Variants in IQSEC1 observed in about 807,000 individuals in gnomAD.
IQSEC1 encodes IQ motif and SEC7 domain-containing protein 1.
In IQSEC1, 31 loss-of-function variants were observed where a neutral mutation model predicts 91.0. The ratio of observed to expected loss-of-function variants is 0.34; its 90% CI spans 0.26 to 0.46. The LOEUF (loss-of-function observed/expected upper bound fraction) is 0.46, where lower values mean the gene tolerates loss of function less well. Ranked by LOEUF, IQSEC1 falls within the 20% of genes least tolerant of loss-of-function variation. The pLI, the probability that IQSEC1 is intolerant of heterozygous loss-of-function variation, is 1.00. For missense variants in IQSEC1, 1,388 were observed against 1,575.6 expected (o/e 0.88, Z 2.02); for synonymous variants, 699 against 662.6 (o/e 1.05, Z -0.84).
chr3:13,167,181 G>C (rs1337613459), intron 1 of IQSEC1, among the ~76,000 whole-genome samples: 1 of 152,214 alleles, frequency 6.6e-6, no homozygotes, highest in Non-Finnish European at 1.5e-5. Context: ...TGCAGATGAA[G>C]CTGAGATCTA....
At position 13,193,339 on chromosome 3, in the gene IQSEC1, T is replaced by A. The variant is rs191124031; in HGVS notation, c.273-29206A>T. On this transcript the variant is annotated intron_variant, in intron 1 of 15. Transcript: ENST00000648114. This position sits in a 1 kb window ranked among gnomAD's most constrained non-coding sequence, Gnocchi z 4.2. ...GTGGCAATGTCTTTTACATTCTGAA[T>A]ACATATTTGGGGGTGGGAGGTCTGA... Among the ~76,000 whole-genome samples the A allele has an allele frequency of 7.9e-4, 121 of 152,286 alleles. No homozygotes were observed. Among genetic ancestry groups the A allele is most frequent in the African/African-American group, 2.7e-3 (114 of 41,550 alleles).
intron 1 of IQSEC1, among the ~76,000 whole-genome samples, chr3:12,982,133 A>G (rs974773311): frequency 6.6e-6 from 1 of 152,180 alleles, no homozygotes; most frequent in Non-Finnish European, 1.5e-5. Flanking sequence ...TAGCAGGTTA[A>G]GCACTGTTCT....
rs145574004 is a variant in IQSEC1 at position 13,067,670 on chromosome 3, T to C, written c.23+5322A>G. Among the ~76,000 whole-genome samples, 11 of 152,330 alleles carry C rather than the reference T, an allele frequency of 7.2e-5. 1 individual carries two copies. The highest frequency in any genetic ancestry group is 2.6e-4 in the African/African-American group (11 of 41,568). On this transcript the variant is annotated intron_variant, in intron 1 of 13. Transcript: ENST00000613206. ...CCATCTCTGTGCACTGGGTGCCCAC[T>C]GGCCCCACCCACAAGGGCACACAGA...
chr3:13,034,064 C>G (rs1703942691), intron 1 of IQSEC1, among the ~76,000 whole-genome samples: 1 of 152,198 alleles, frequency 6.6e-6, no homozygotes. Context: ...TCTTTAAAGA[C>G]CTTATTTCCA....
chr3:13,270,574 T>C (rs1207518593), intron 1 of IQSEC1, among the ~76,000 whole-genome samples: 6 of 152,168 alleles, frequency 3.9e-5, no homozygotes, highest in Non-Finnish European at 7.3e-5. Flanking sequence ...CTTTATTCTC[T>C]CTGGGTGAGG....
At chr3:13,247,296 C>T (rs968233739) in intron 1 of IQSEC1, among the ~76,000 whole-genome samples, 12 of 152,208 alleles carry the variant, frequency 7.9e-5, no homozygotes, top group African/African-American at 2.7e-4. Context: ...GATTTCTCTG[C>T]TGCCATTCTG....
chr3:13,064,772 C>T (rs1435528251), intron 1 of IQSEC1, among the ~76,000 whole-genome samples: 1 of 152,218 alleles, frequency 6.6e-6, no homozygotes, highest in Admixed American at 6.5e-5. Flanking sequence ...GATAGTTGCT[C>T]GCAGATTTTC....
At chr3:13,122,958 G>A (rs935929186) in intron 2 of IQSEC1, among the ~76,000 whole-genome samples, 4 of 152,176 alleles carry the variant, frequency 2.6e-5, no homozygotes, top group African/African-American at 9.7e-5. Flanking sequence ...CTGCCCCCAG[G>A]AGTGTCTTTC....
intron 1 of IQSEC1, among the ~76,000 whole-genome samples, chr3:12,998,282 C>G (rs967480126): frequency 1.3e-5 from 2 of 152,244 alleles, no homozygotes; most frequent in African/African-American, 4.8e-5. Context: ...CCAGGGGAGA[C>G]TGAGGCTGCA....
intron 2 of IQSEC1, among the ~76,000 whole-genome samples, chr3:13,088,886 G>T (rs1197707846): frequency 2.6e-5 from 4 of 152,212 alleles, no homozygotes; most frequent in Non-Finnish European, 5.9e-5. Flanking sequence ...AACACCTCCT[G>T]CTAGGCTAAG....
chr3:13,263,833 G>A (rs899734928), intron 1 of IQSEC1, among the ~76,000 whole-genome samples: 9 of 152,018 alleles, frequency 5.9e-5, no homozygotes, highest in Admixed American at 1.3e-4. Context: ...ATCCTGGAGC[G>A]CCGGGCTGGG....
rs146690761 is a variant in IQSEC1 at position 13,168,361 on chromosome 3, C to T, written c.273-4228G>A. Among the ~76,000 whole-genome samples, 11 of 152,320 alleles carry T rather than the reference C, an allele frequency of 7.2e-5. No individual in the cohort carries two copies. The East Asian group carries it at 1.7e-3, about 24-fold the overall frequency. On this transcript the variant is annotated intron_variant, in intron 1 of 15. Transcript: ENST00000648114. ...ACATTTTTGCATGTATGCTTATGGG[C>T]TTTGTTTCCTGTCCATTTTTTTATA...
chr3:13,241,800 C>A (rs1695025720), intron 1 of IQSEC1, among the ~76,000 whole-genome samples: 1 of 152,216 alleles, frequency 6.6e-6, no homozygotes, highest in African/African-American at 2.4e-5. Context: ...GCCCCTGGAC[C>A]CCTCTCTCTC....
chr3:13,062,512 TG>T (rs1230145395), intron 1 of IQSEC1, among the ~76,000 whole-genome samples: 1 of 152,142 alleles, frequency 6.6e-6, no homozygotes, highest in Non-Finnish European at 1.5e-5. Flanking sequence ...GGTGGGGTCC[TG>T]GCAGGGGAGG....
intron 2 of IQSEC1, among the ~76,000 whole-genome samples, chr3:13,105,435 C>T (rs1221202202): frequency 6.6e-6 from 1 of 152,184 alleles, no homozygotes; most frequent in Non-Finnish European, 1.5e-5. Context: ...CCGCTCCCAC[C>T]AGTCCCACCC....
intron 1 of IQSEC1, among the ~76,000 whole-genome samples, chr3:13,221,405 C>T (rs1185297024): frequency 6.6e-6 from 1 of 152,212 alleles, no homozygotes; most frequent in Non-Finnish European, 1.5e-5. Context: ...TAGGACAGAG[C>T]CTCTGTCACA....
At chr3:13,148,711 C>T (rs1462509691) in intron 2 of IQSEC1, among the ~76,000 whole-genome samples, 1 of 152,238 alleles carries the variant, frequency 6.6e-6, no homozygotes, top group African/African-American at 2.4e-5. Context: ...CCTGTCCCTG[C>T]CTCTCCATGC....
At chr3:12,943,685 T>C (rs1698963238) in intron 1 of IQSEC1, among the ~76,000 whole-genome samples, 1 of 152,026 alleles carries the variant, frequency 6.6e-6, no homozygotes, top group Non-Finnish European at 1.5e-5. Flanking sequence ...TCTGCTTCTG[T>C]CTCTGCTGCT....
chr3:13,278,493 G>C lies in IQSEC1; in HGVS notation c.272+4218C>G, dbSNP rs1421315196. On this transcript the variant is annotated intron_variant, in intron 1 of 15. Transcript: ENST00000648114. ...ATCCTGGGAGATGGTCTGGCCATTC[G>C]ACAGCATGAAGGGCAGGTGGTGGGT... 2.0e-5 allele frequency among the ~76,000 whole-genome samples: 3 copies of C among 152,290 alleles called. No individual in the cohort carries two copies. The South Asian group carries it at 6.2e-4, about 32-fold the overall frequency.
Sources: gnomAD v4.1 joint callset for allele counts (sites outside exome capture counted in the v4.1 genomes callset) on GRCh38, gnomAD v4.1.1 for gene constraint, Gnocchi (gnomAD v3.1) non-coding constraint, MANE v1.5 for transcripts, NCBI Gene and HGNC (gene_info 2026-07-23, HGNC 2026-07-21) for gene names.